CCDC34: variants seen among roughly 807,000 people sequenced by gnomAD.
CCDC34 encodes coiled-coil domain containing 34, also known as coiled-coil domain-containing protein 34.
In CCDC34, 40 loss-of-function variants were observed where a neutral mutation model predicts 44.1. The observed-to-expected ratio is 0.91, with a 90% CI of 0.70 to 1.18. The LOEUF (loss-of-function observed/expected upper bound fraction) is 1.18, where lower values mean the gene tolerates loss of function less well. CCDC34 is among the 50% of genes most tolerant of loss of function. The pLI is 0.00. For missense variants in CCDC34, 466 were observed against 452.3 expected (o/e 1.03, Z -0.28); for synonymous variants, 159 against 158.2 (o/e 1.01, Z -0.04).
chr11:27,351,075 C>G (rs1003802626), intron 2 of CCDC34, among the ~76,000 whole-genome samples: 4 of 152,102 alleles, frequency 2.6e-5, no homozygotes, highest in African/African-American at 9.7e-5. Context: ...AAGGTATGGC[C>G]AAATAAAACT....
chr11:27,339,513 A>G (rs958171819), intron 5 of CCDC34, among the ~76,000 whole-genome samples: 1 of 152,226 alleles, frequency 6.6e-6, no homozygotes, highest in African/African-American at 2.4e-5. Context: ...ATCAGTGTCA[A>G]TAAGATTTCA....
At chr11:27,362,658 G>T (rs925277288) in intron 1 of CCDC34, among the ~76,000 whole-genome samples, 178 bp downstream of exon 1, 1 of 151,780 alleles carries the variant, frequency 6.6e-6, no homozygotes, top group African/African-American at 2.4e-5. Flanking sequence ...GGAAATCTAT[G>T]GTCATTTGCA....
At chr11:27,361,594 A>G (rs1003927684) in intron 1 of CCDC34, among the ~76,000 whole-genome samples, 5 of 152,144 alleles carry the variant, frequency 3.3e-5, no homozygotes, top group African/African-American at 1.2e-4. Context: ...ACCAGCCTGG[A>G]TGAGTGGCTT....
At chr11:27,355,303 T>A (rs1300761761) in intron 2 of CCDC34, among the ~76,000 whole-genome samples, 1 of 152,178 alleles carries the variant, frequency 6.6e-6, no homozygotes. Flanking sequence ...ATTAAGATGC[T>A]ATTTCACATA....
chr11:27,358,953 T>G (rs1862617706), intron 1 of CCDC34, among the ~76,000 whole-genome samples: 1 of 111,542 alleles, frequency 9.0e-6, no homozygotes, highest in African/African-American at 2.9e-5. Flanking sequence ...CTTGTCAACA[T>G]GTGGACCCCC....
chr11:27,350,295 G>A (rs759819505), intron 3 of CCDC34, 37 bp downstream of exon 3: 1 of 1,613,404 alleles, frequency 6.2e-7, no homozygotes. Context: ...TTTTGCAAAA[G>A]AGATGTCAAT....
Position 27,339,122 on chromosome 11 carries a change from A to C in CCDC34, c.908-87T>G, listed in dbSNP as rs1206930773. ...CTTAAAACTTCTAGAAAAATGTTAA[A>C]ATGTCAAATGGACAAATTATCACTA... On this transcript the variant is annotated intron_variant, in intron 5 of 5. Coordinates refer to ENST00000328697, the MANE Select transcript of CCDC34 (RefSeq NM_030771.2). 5.9e-4 allele frequency: 537 copies of C among 914,152 alleles called. 2 individuals are homozygous for C. Among genetic ancestry groups the C allele is most frequent in the Non-Finnish European group, 2.2e-5 (13 of 595,114 alleles). 56.6% of individuals were successfully genotyped at this position (914,152 alleles called of 1,614,324 possible).
Position 27,362,894 on chromosome 11 carries a change from G to A in CCDC34, c.301C>T (p.His101Tyr), listed in dbSNP as rs755493087. The change falls in exon 1 of 6, where the codon CAT becomes TAT. Residue 101 changes from histidine (H) to tyrosine (Y), a missense_variant. His to Tyr is a moderately conservative substitution (Grantham distance 83). Transcript: ENST00000328697. Reference protein sequence around the residue: ...DDEEDVDEDAHDSEAKVASLR... With the variant: ...DDEEDVDEDAYDSEAKVASLR... Reference sequence around the variant, plus strand: ...CTCGCCACTTTGGCCTCTGAATCATGGGCATCTTCATCCACGTCTTCCTCA... The same window carrying A: ...CTCGCCACTTTGGCCTCTGAATCATAGGCATCTTCATCCACGTCTTCCTCA... 9.3e-6 allele frequency: 15 copies of A among 1,613,920 alleles called. No homozygotes were observed. The South Asian group carries it at 1.4e-4, about 15-fold the overall frequency.
chr11:27,341,666 T>A lies in CCDC34; in HGVS notation c.607-116A>T, dbSNP rs924045137. The A allele has an allele frequency of 9.6e-6, 5 of 518,388 alleles. No homozygotes were observed. In the African/African-American group the frequency reaches 9.9e-5, roughly 10 times the overall value. The allele number at this position is 518,388 out of a possible 1,614,324, so 32.1% of individuals were successfully genotyped here. On this transcript the variant is annotated intron_variant, in intron 3 of 5. Transcript: ENST00000328697. ...CAATTATTTTTAAAAATAGACATGA[T>A]ATCATGGCAGTTGGCACAACATGGT...
At chr11:27,358,320 C>G (rs558861018) in intron 1 of CCDC34, among the ~76,000 whole-genome samples, 14 of 152,298 alleles carry the variant, frequency 9.2e-5, no homozygotes, top group Admixed American at 7.8e-4. Flanking sequence ...GCCAGATACA[C>G]AAGCCTCATG....
intron 3 of CCDC34, among the ~76,000 whole-genome samples, chr11:27,344,389 T>G (rs1437305874): frequency 6.6e-6 from 1 of 150,962 alleles, no homozygotes; most frequent in Admixed American, 6.6e-5. Context: ...AACACATGCA[T>G]GCTGCATGTT....
At chr11:27,354,906 A>T (rs1443213519) in intron 2 of CCDC34, among the ~76,000 whole-genome samples, 1 of 152,042 alleles carries the variant, frequency 6.6e-6, no homozygotes, top group Non-Finnish European at 1.5e-5. Flanking sequence ...CTACTCCACT[A>T]TTGTCTCTCT....
At chr11:27,356,577 T>C (rs1241104293) in intron 2 of CCDC34, among the ~76,000 whole-genome samples, 1 of 151,878 alleles carries the variant, frequency 6.6e-6, no homozygotes, top group Admixed American at 6.6e-5. Context: ...TCAGATAGTC[T>C]AGATAGTGGG....
At chr11:27,360,517 C>G (rs551853485) in intron 1 of CCDC34, among the ~76,000 whole-genome samples, 25 of 152,220 alleles carry the variant, frequency 1.6e-4, no homozygotes, top group African/African-American at 5.5e-4. Flanking sequence ...GCATAAAATC[C>G]CACACAGCTC....
At chr11:27,349,700 A>T (rs1426286617) in intron 3 of CCDC34, 1 of 980,650 alleles carries the variant, frequency 1.0e-6, no homozygotes, top group East Asian at 1.1e-4. Context: ...AAATGCAGCC[A>T]TTCAATGAAC....
chr11:27,350,931 C>T lies in CCDC34; in HGVS notation c.499-492G>A, dbSNP rs188546461. Among the ~76,000 whole-genome samples the T allele has an allele frequency of 2.3e-4, 35 of 152,258 alleles. No individual in the cohort carries two copies. In the South Asian group the frequency reaches 6.0e-3, roughly 26 times the overall value. The stretch of plus-strand genomic sequence containing the variant: ...TCAATTTTCCTTAGGGAAAAAAGAA[C>T]CCAGAGTTTTCTTCACTGGTTTTAT... On this transcript the variant is annotated intron_variant, in intron 2 of 5. Transcript: ENST00000328697.
chr11:27,350,384 T>G lies in CCDC34; in HGVS notation c.554A>C (p.Lys185Thr). The G allele has an allele frequency of 6.2e-7, 1 of 1,613,336 alleles. No individual in the cohort carries two copies. The highest frequency in any genetic ancestry group is 8.5e-7 in the Non-Finnish European group (1 of 1,179,652). ...CTTGTGCTTTTCTTCAGCAATTATC[T>G]TTCTTTTTTCACGTTCTTCCATTTC... ...RKEMEEREKR[K>T]IIAEEKHKEW... Residue 185 changes from lysine (K) to threonine (T), a missense_variant, in exon 3 of 6, where the codon AAG (lysine) becomes ACG (threonine). By Grantham distance (78) the Lys-to-Thr change is moderately conservative (BLOSUM62 -1). Transcript: ENST00000328697.
intron 3 of CCDC34, chr11:27,349,135 G>A (rs1590326372): frequency 2.0e-6 from 2 of 982,392 alleles, no homozygotes; most frequent in African/African-American, 1.7e-5. Context: ...AGATAAGAAG[G>A]ACTTTTAGAG....
At chr11:27,347,771 A>C (rs893735319) in intron 3 of CCDC34, among the ~76,000 whole-genome samples, 2 of 151,762 alleles carry the variant, frequency 1.3e-5, no homozygotes, top group African/African-American at 4.8e-5. Context: ...GCAAAAGGAA[A>C]CTCTCTGGGG....
Sources: allele counts gnomAD v4.1 joint callset (sites outside exome capture counted in the v4.1 genomes callset), GRCh38; gene constraint gnomAD v4.1.1; transcripts MANE v1.5; gene names NCBI Gene and HGNC (gene_info 2026-07-23, HGNC 2026-07-21).